PITPNM3: variants seen among roughly 807,000 people sequenced by gnomAD.
PITPNM3 encodes PITPNM family member 3, also known as membrane-associated phosphatidylinositol transfer protein 3.
A neutral mutation model predicts 102.0 loss-of-function variants in PITPNM3; 26 were observed. The ratio of observed to expected loss-of-function variants is 0.25; its 90% CI spans 0.19 to 0.35. The LOEUF (loss-of-function observed/expected upper bound fraction) is 0.35, where lower values mean the gene tolerates loss of function less well. Ranked by LOEUF, PITPNM3 falls within the 10% of genes least tolerant of loss-of-function variation. The probability of loss-of-function intolerance (pLI) is 1.00; values close to 1 mark genes in which losing one functional copy is unlikely to be tolerated. For synonymous variants in PITPNM3, 578 were observed against 558.6 expected, an observed-to-expected ratio of 1.03 and a Z score of -0.49; for missense variants, 1,083 against 1,346.1, an observed-to-expected ratio of 0.80 and a Z score of 3.06.
At chr17:6,477,003 C>G in intron 9 of PITPNM3, 26 bp downstream of exon 9, 1 of 1,612,976 alleles carries the variant, frequency 6.2e-7, no homozygotes, top group Non-Finnish European at 8.5e-7. Flanking sequence ...CCAAGGTCTT[C>G]TTGCTTCTGG....
intron 2 of PITPNM3, among the ~76,000 whole-genome samples, chr17:6,530,537 C>T (rs929593899): frequency 8.5e-5 from 13 of 152,184 alleles, no homozygotes; most frequent in Admixed American, 7.9e-4. Flanking sequence ...ACCAAGGACA[C>T]AAAAGACATG....
rs1044021724 is a variant in PITPNM3, at chr17:6,478,805, C to T, written c.588-69G>A. On this transcript the variant is annotated intron_variant, in intron 6 of 19. Coordinates refer to ENST00000262483, the MANE Select transcript of PITPNM3 (RefSeq NM_031220.4). This position sits in a 1 kb window ranked among gnomAD's most constrained non-coding sequence, Gnocchi z 4.4. Reference sequence around the variant, plus strand: ...GGTTGGCAGGTTTGGGGCTGAGGATCAGGCAGAAGAGAGCACATACTGGCC... The same window carrying T: ...GGTTGGCAGGTTTGGGGCTGAGGATTAGGCAGAAGAGAGCACATACTGGCC... 6.9e-7 allele frequency: 1 copy of T among 1,458,368 alleles called. No individual in the cohort carries two copies. The highest frequency in any genetic ancestry group is 9.2e-7 in the Non-Finnish European group (1 of 1,088,978). 90.3% of individuals were successfully genotyped at this position (1,458,368 alleles called of 1,614,324 possible).
chr17:6,484,187 G>A (rs1025434935), intron 5 of PITPNM3, 29 bp downstream of exon 5: 1 of 1,565,992 alleles, frequency 6.4e-7, no homozygotes, highest in African/African-American at 1.4e-5. Flanking sequence ...TCTGAGTTGA[G>A]CCCAGACACC....
At position 6,468,476 on chromosome 17, in the gene PITPNM3, T is replaced by A. The variant is rs1904899414; in HGVS notation, c.1774-135A>T. 3 of 878,008 alleles carry A rather than the reference T, an allele frequency of 3.4e-6. No homozygotes were observed. Among genetic ancestry groups the A allele is most frequent in the Non-Finnish European group, 5.7e-6 (3 of 529,066 alleles). The allele number at this position is 878,008 out of a possible 1,614,324, so 54.4% of individuals were successfully genotyped here. ...CCCCCAACCTCACAGCCTGGAACCGTCAGGAGGCCGCAGACCCCGGGACCT... is the reference window on the plus strand; with the variant it reads ...CCCCCAACCTCACAGCCTGGAACCGACAGGAGGCCGCAGACCCCGGGACCT... On this transcript the variant is annotated intron_variant, in intron 13 of 19. Transcript: ENST00000262483. The surrounding 1 kb of genome is among the most constrained non-coding windows in gnomAD (Gnocchi z 5.2).
intron 6 of PITPNM3, chr17:6,479,873 A>G (rs1905558002): frequency 6.6e-6 from 1 of 152,222 alleles, no homozygotes; most frequent in Admixed American, 6.5e-5. Flanking sequence ...CCTGGCAAGG[A>G]GCTGCCTGGG....
In PITPNM3 at chr17:6,451,811, G is replaced by A. The variant is rs1470502790; in HGVS notation, c.*3527C>T. 2 of 151,752 alleles carry A rather than the reference G, an allele frequency of 1.3e-5. No individual in the cohort carries two copies. Among genetic ancestry groups the A allele is most frequent in the Non-Finnish European group, 2.9e-5 (2 of 67,996 alleles). 9.4% of individuals were successfully genotyped at this position (151,752 alleles called of 1,614,324 possible). A position where few individuals can be genotyped will look rare whatever the true frequency, so the allele number is the denominator to read the frequency against. The stretch of plus-strand genomic sequence containing the variant: ...CCCCCAAGCCCGGAAGGAAAGGAAG[G>A]AGGGAATGTTTCTTTTGGCTGAGCC... On this transcript the variant is annotated 3_prime_UTR_variant, in exon 20 of 20. Coordinates refer to ENST00000262483, the MANE Select transcript of PITPNM3 (RefSeq NM_031220.4).
At chr17:6,544,962 G>A (rs1434622734) in intron 1 of PITPNM3, among the ~76,000 whole-genome samples, 1 of 152,086 alleles carries the variant, frequency 6.6e-6, no homozygotes, top group Non-Finnish European at 1.5e-5. Context: ...AATGTGGAGT[G>A]CAGTGCTTCC....
intron 17 of PITPNM3, 37 bp downstream of exon 17, chr17:6,463,695 C>A (rs1904611976): frequency 1.2e-6 from 2 of 1,606,378 alleles, no homozygotes; most frequent in Non-Finnish European, 1.7e-6. Flanking sequence ...CTCCTGCCCC[C>A]CAGGGAGATA....
Position 6,546,962 on chromosome 17 carries a change from G to A in PITPNM3, c.23-8880C>T, listed in dbSNP as rs537907169. Among the ~76,000 whole-genome samples, 5 of 152,028 alleles carry A rather than the reference G, an allele frequency of 3.3e-5. No homozygotes were observed. In the South Asian group the frequency reaches 6.2e-4, roughly 19 times the overall value. On this transcript the variant is annotated intron_variant, in intron 1 of 19. Transcript: ENST00000262483. ...GTGGATGTTGCAGTGAGCTGAGATCGTGCCATTGCACTCCAGCCTGGGTGA... is the reference window on the plus strand; with the variant it reads ...GTGGATGTTGCAGTGAGCTGAGATCATGCCATTGCACTCCAGCCTGGGTGA...
At chr17:6,506,264 G>T (rs1027463646) in intron 3 of PITPNM3, among the ~76,000 whole-genome samples, 1 of 152,054 alleles carries the variant, frequency 6.6e-6, no homozygotes, top group South Asian at 2.1e-4. Context: ...GTTGCTAAAG[G>T]TACTAAAATA....
chr17:6,552,762 C>CTTTTTTT (rs34225911), intron 1 of PITPNM3, among the ~76,000 whole-genome samples: 84 of 88,988 alleles, frequency 9.4e-4, no homozygotes, highest in Admixed American at 1.3e-3. Context: ...CTTTCTTTTT[C>CTTTTTTT]TTTTTTTTTT....
At chr17:6,466,751 C>T (rs985395765) in intron 14 of PITPNM3, among the ~76,000 whole-genome samples, 2 of 151,944 alleles carry the variant, frequency 1.3e-5, no homozygotes, top group Admixed American at 6.6e-5. Context: ...GGCATCTACC[C>T]GAGAGAAATG....
intron 2 of PITPNM3, among the ~76,000 whole-genome samples, chr17:6,536,426 G>A (rs966650570): frequency 6.6e-6 from 1 of 152,194 alleles, no homozygotes; most frequent in Non-Finnish European, 1.5e-5. Context: ...CTCACTGTGG[G>A]TTAGTTGCTA....
chr17:6,464,188 G>A lies in PITPNM3; in HGVS notation c.2138C>T (p.Pro713Leu). Residue 713 changes from proline to leucine, a missense_variant, in exon 16 of 20, where the codon CCT (proline) becomes CTT (leucine). Coordinates refer to ENST00000262483, the MANE Select transcript of PITPNM3 (RefSeq NM_031220.4). ...RPRRLGVGVYPVKMVVRGDQT... is the reference protein window; with the variant it reads ...RPRRLGVGVYLVKMVVRGDQT... ...GTCTTACCTGACGACCATCTTCACA[G>A]GATAGACACCAACCCCCAGGCGCCG... The A allele has an allele frequency of 6.2e-7, 1 of 1,614,186 alleles. No homozygotes were observed. Among genetic ancestry groups the A allele is most frequent in the South Asian group, 1.1e-5 (1 of 91,082 alleles).
chr17:6,515,952 C>T (rs564044384), intron 3 of PITPNM3, among the ~76,000 whole-genome samples: 7 of 152,136 alleles, frequency 4.6e-5, no homozygotes, highest in East Asian at 3.9e-4. Flanking sequence ...AGGCTGAGGC[C>T]GGAGGATCGC....
Position 6,483,705 on chromosome 17 carries a change from G to A in PITPNM3, c.399C>T (p.Val133=), listed in dbSNP as rs1011154985. 6.2e-7 allele frequency: 1 copy of A among 1,614,056 alleles called. No individual in the cohort carries two copies. Among genetic ancestry groups the A allele is most frequent in the Non-Finnish European group, 8.5e-7 (1 of 1,180,026 alleles). The change falls in exon 6 of 20, where the codon GTC becomes GTT. Residue 133 remains valine (V), a synonymous_variant. Coordinates refer to ENST00000262483, the MANE Select transcript of PITPNM3 (RefSeq NM_031220.4). ...TGTCCAGGATGTTTCCCCCATGCAG[G>A]ACCAGCAGGAGGACATGTGTCTTGC... ...RSCKTHVLLL[V]LHGGNILDTG...
Position 6,457,769 on chromosome 17 carries a change from C to T in PITPNM3, c.2491-47G>A, listed in dbSNP as rs761304670. Reference sequence around the variant, plus strand: ...GGGGGAGAGTGAGGCCAGCCCACCCCCTGGAAAGCCTTCCCAGGCCAACCC... The same window carrying T: ...GGGGGAGAGTGAGGCCAGCCCACCCTCTGGAAAGCCTTCCCAGGCCAACCC... On this transcript the variant is annotated intron_variant, in intron 18 of 19. Coordinates refer to ENST00000262483, the MANE Select transcript of PITPNM3 (RefSeq NM_031220.4). The surrounding 1 kb of genome is among the most constrained non-coding windows in gnomAD (Gnocchi z 4.7). The T allele has an allele frequency of 6.4e-7, 1 of 1,552,772 alleles. No homozygotes were observed. The highest frequency in any genetic ancestry group is 1.4e-5 in the African/African-American group (1 of 73,444).
rs1322316781 is a variant in PITPNM3, at chr17:6,472,571, C to T, written c.1429+86G>A. Reference sequence around the variant, plus strand: ...CACAGCCCCTGCTCAGGTGAGTCACCCTACTCACTGAGAGCTTGGAGGGGT... The same window carrying T: ...CACAGCCCCTGCTCAGGTGAGTCACTCTACTCACTGAGAGCTTGGAGGGGT... On this transcript the variant is annotated intron_variant, in intron 11 of 19. Transcript: ENST00000262483. The surrounding 1 kb of genome is among the most constrained non-coding windows in gnomAD (Gnocchi z 4.1). 4 of 1,481,568 alleles carry T rather than the reference C, an allele frequency of 2.7e-6. No individual in the cohort carries two copies. The African/African-American group carries it at 5.6e-5, about 21-fold the overall frequency. The allele number at this position is 1,481,568 out of a possible 1,614,324, so 91.8% of individuals were successfully genotyped here.
Position 6,551,703 on chromosome 17 carries a change from C to T in PITPNM3, c.22+4682G>A, listed in dbSNP as rs575135920. Reference sequence around the variant, plus strand: ...CCAGCCTGGGCAACGTAATGAGACCCCCATCGTTATGAAAAAAAAAGTATT... The same window carrying T: ...CCAGCCTGGGCAACGTAATGAGACCTCCATCGTTATGAAAAAAAAAGTATT... On this transcript the variant is annotated intron_variant, in intron 1 of 19. Transcript: ENST00000262483. Among the ~76,000 whole-genome samples the T allele has an allele frequency of 2.8e-4, 42 of 152,122 alleles. No individual in the cohort carries two copies. The East Asian group carries it at 7.6e-3, about 27-fold the overall frequency.
Sources: gnomAD v4.1 joint callset for allele counts (sites outside exome capture counted in the v4.1 genomes callset) on GRCh38, gnomAD v4.1.1 for gene constraint, Gnocchi (gnomAD v3.1) non-coding constraint, MANE v1.5 for transcripts, NCBI Gene and HGNC (gene_info 2026-07-23, HGNC 2026-07-21) for gene names.